The following LDAH variants were observed in gnomAD, a reference collection of about 807,000 sequenced individuals.
LDAH encodes the protein lipid droplet-associated hydrolase.
LDAH carries 26 observed loss-of-function variants against 29.6 expected under a neutral mutation model. That is an observed-to-expected ratio of 0.88 (90% confidence interval 0.64 to 1.22). The LOEUF (loss-of-function observed/expected upper bound fraction) is 1.22. Among genes scored for constraint, LDAH ranks in the 50% most tolerant of loss-of-function variants. LDAH has a pLI of 0.00. For missense variants in LDAH, 344 were observed against 387.3 expected, an observed-to-expected ratio of 0.89 and a Z score of 0.94; for synonymous variants, 117 against 133.0, an observed-to-expected ratio of 0.88 and a Z score of 0.83.
At chr2:20,801,527 C>CA in intron 1 of LDAH, 62 bp from the exon 2 acceptor site, 1 of 1,445,890 alleles carries the variant, frequency 6.9e-7, no homozygotes, top group South Asian at 1.2e-5. Flanking sequence ...GAGCCAAAGA[C>CA]AAAATTCAAG....
chr2:20,699,000 C>T lies in LDAH; in HGVS notation c.786+2570G>A, dbSNP rs1467038251. Among the ~76,000 whole-genome samples the T allele has an allele frequency of 6.6e-6, 1 of 152,112 alleles. No homozygotes were observed. The highest frequency in any genetic ancestry group is 2.4e-5 in the African/African-American group (1 of 41,430). ...CTGTAGATTATGGTATGATAGTTCT[C>T]TTGGGGAGGAGAAAGAAGTAGAATG... On this transcript the variant is annotated intron_variant, in intron 6 of 6. Coordinates refer to ENST00000237822, the MANE Select transcript of LDAH (RefSeq NM_021925.4). The surrounding 1 kb of genome is among the most constrained non-coding windows in gnomAD (Gnocchi z 4.4).
In LDAH at chr2:20,803,486, A is replaced by C. The variant is rs868144307; in HGVS notation, c.-2-2021T>G. ...AAACAGCAGTGCTCTAGATTGCTACACAGGGAGGCCTCTCCAACTTGCAAT... is the reference window on the plus strand; with the variant it reads ...AAACAGCAGTGCTCTAGATTGCTACCCAGGGAGGCCTCTCCAACTTGCAAT... On this transcript the variant is annotated intron_variant, in intron 1 of 6. Transcript: ENST00000237822. 2.0e-5 allele frequency among the ~76,000 whole-genome samples: 3 copies of C among 152,338 alleles called. No individual in the cohort carries two copies. In the Middle Eastern group the frequency reaches 0.01, roughly 518 times the overall value.
rs584996 is a variant in LDAH at position 20,756,402 on chromosome 2, A to T, written c.469-16197T>A. On this transcript the variant is annotated intron_variant, in intron 4 of 6. Coordinates refer to ENST00000237822, the MANE Select transcript of LDAH (RefSeq NM_021925.4). Reference sequence around the variant, plus strand: ...TAGACATTTGAGGAAAGCTTCACTTACAAGAGACAGATCAGTACTTTTTTT... The same window carrying T: ...TAGACATTTGAGGAAAGCTTCACTTTCAAGAGACAGATCAGTACTTTTTTT... Among the ~76,000 whole-genome samples, 204 of 151,992 alleles carry T rather than the reference A, an allele frequency of 1.3e-3. 1 individual carries two copies. In the South Asian group the frequency reaches 0.014, roughly 11 times the overall value.
intron 4 of LDAH, among the ~76,000 whole-genome samples, chr2:20,741,367 T>C (rs922467251): frequency 2.0e-5 from 3 of 152,216 alleles, no homozygotes; most frequent in Non-Finnish European, 4.4e-5. Context: ...TTTTCTCCTA[T>C]GTTATCTTCT....
intron 5 of LDAH, among the ~76,000 whole-genome samples, chr2:20,731,686 G>A (rs1186122645): frequency 4.0e-5 from 6 of 151,786 alleles, no homozygotes; most frequent in South Asian, 2.1e-4. Context: ...TAATTTTTCC[G>A]ACTGGCTAAA....
At chr2:20,771,640 G>A (rs115795727) in intron 4 of LDAH, among the ~76,000 whole-genome samples, 175 of 152,274 alleles carry the variant, frequency 1.1e-3, no homozygotes, top group Non-Finnish European at 1.4e-3. Flanking sequence ...ATGGGGGCTG[G>A]GGATGGGGTA....
chr2:20,768,404 C>T (rs994352401), intron 4 of LDAH, among the ~76,000 whole-genome samples: 1 of 152,178 alleles, frequency 6.6e-6, no homozygotes, highest in South Asian at 2.1e-4. Context: ...TTACAGTGTG[C>T]CTGGTCCAGC....
intron 3 of LDAH, among the ~76,000 whole-genome samples, chr2:20,781,283 T>C (rs985747950): frequency 5.9e-5 from 9 of 152,228 alleles, no homozygotes; most frequent in Non-Finnish European, 1.5e-5. Context: ...GGTGAACATC[T>C]GTTCTTCCAA....
chr2:20,761,583 AGGTT>A (rs1668693424), intron 4 of LDAH, among the ~76,000 whole-genome samples: 1 of 152,178 alleles, frequency 6.6e-6, no homozygotes, highest in South Asian at 2.1e-4. Context: ...GGACTTAAGA[AGGTT>A]GGTATTTAAT....
chr2:20,710,624 A>C (rs1264404147), intron 5 of LDAH, among the ~76,000 whole-genome samples: 7 of 133,450 alleles, frequency 5.2e-5, no homozygotes, highest in African/African-American at 1.1e-4. Context: ...ATATATAGAT[A>C]TATATATATA....
At chr2:20,739,333 A>G (rs1667018850) in intron 5 of LDAH, among the ~76,000 whole-genome samples, 1 of 152,216 alleles carries the variant, frequency 6.6e-6, no homozygotes, top group Non-Finnish European at 1.5e-5. Context: ...ATTATAGATT[A>G]AGAAACTAGG....
chr2:20,702,417 T>C (rs1224584793), intron 5 of LDAH, among the ~76,000 whole-genome samples: 1 of 152,226 alleles, frequency 6.6e-6, no homozygotes, highest in Non-Finnish European at 1.5e-5. Flanking sequence ...ATCATGTAAG[T>C]GGACTTCTTT....
At chr2:20,809,016 A>G (rs1672285653) in intron 1 of LDAH, among the ~76,000 whole-genome samples, 1 of 152,204 alleles carries the variant, frequency 6.6e-6, no homozygotes, top group African/African-American at 2.4e-5. Context: ...TAAAGCTTCC[A>G]AAAGATAACA....
At chr2:20,687,937 T>A (rs112173690) in intron 6 of LDAH, among the ~76,000 whole-genome samples, 3 of 152,248 alleles carry the variant, frequency 2.0e-5, no homozygotes, top group Non-Finnish European at 4.4e-5. Context: ...TGACCTCTGT[T>A]ATCACTGAAA....
chr2:20,814,843 G>T (rs1215129914), intron 1 of LDAH, among the ~76,000 whole-genome samples: 3 of 152,002 alleles, frequency 2.0e-5, no homozygotes, highest in Non-Finnish European at 4.4e-5. Flanking sequence ...ATTTGCCAAG[G>T]CCTAAATTCT....
chr2:20,753,775 A>G (rs549738505), intron 4 of LDAH, among the ~76,000 whole-genome samples: 5 of 152,296 alleles, frequency 3.3e-5, no homozygotes, highest in African/African-American at 4.8e-5. Context: ...GGCTAACTCT[A>G]CCTCCAGCAG....
intron 2 of LDAH, among the ~76,000 whole-genome samples, chr2:20,798,807 G>C (rs889979921): frequency 1.3e-5 from 2 of 150,978 alleles, no homozygotes; most frequent in African/African-American, 2.4e-5. Flanking sequence ...GCTTGAACCC[G>C]GGAGGCGGAG....
Position 20,684,979 on chromosome 2 carries a change from C to A in LDAH, c.*1924G>T, listed in dbSNP as rs1558370009. Reference sequence around the variant, plus strand: ...TTCACTTTAAAAGAGAGACTTTGAGCCGAGTCTAACTCAGGAGAACTGCTC... The same window carrying A: ...TTCACTTTAAAAGAGAGACTTTGAGACGAGTCTAACTCAGGAGAACTGCTC... On this transcript the variant is annotated 3_prime_UTR_variant, in exon 7 of 7. Transcript: ENST00000237822. 1.3e-6 allele frequency: 2 copies of A among 1,545,580 alleles called. No homozygotes were observed. Among genetic ancestry groups the A allele is most frequent in the Non-Finnish European group, 1.7e-6 (2 of 1,144,566 alleles).
At chr2:20,815,563 C>T (rs1672793342) in intron 1 of LDAH, among the ~76,000 whole-genome samples, 1 of 151,914 alleles carries the variant, frequency 6.6e-6, no homozygotes, top group South Asian at 2.1e-4. Context: ...TTAAGGGGAA[C>T]AATAATTTGA....
Sources: allele counts gnomAD v4.1 joint callset (sites outside exome capture counted in the v4.1 genomes callset), GRCh38; gene constraint gnomAD v4.1.1; non-coding constraint Gnocchi (gnomAD v3.1); transcripts MANE v1.5; gene names NCBI Gene and HGNC (gene_info 2026-07-23, HGNC 2026-07-21).